The following FSIP1 variants were observed in gnomAD, a reference collection of about 807,000 sequenced individuals.
The protein encoded by FSIP1 is fibrous sheath interacting protein 1, also known as fibrous sheath-interacting protein 1.
A neutral mutation model predicts 60.9 loss-of-function variants in FSIP1; 65 were observed. The observed-to-expected ratio is 1.07, with a 90% CI of 0.87 to 1.31. The LOEUF is 1.31. Ranked by LOEUF, FSIP1 falls within the 40% of genes most tolerant of loss-of-function variation. FSIP1 has a pLI of 0.00. For missense variants in FSIP1, 675 were observed against 665.5 expected, an observed-to-expected ratio of 1.01 and a Z score of -0.16; for synonymous variants, 209 against 221.2, an observed-to-expected ratio of 0.94 and a Z score of 0.49.
chr15:39,753,330 T>C (rs1897217269), intron 5 of FSIP1, among the ~76,000 whole-genome samples: 1 of 152,134 alleles, frequency 6.6e-6, no homozygotes, highest in Non-Finnish European at 1.5e-5. Context: ...ATTCATTTTA[T>C]GAAGTTCACA....
chr15:39,619,861 A>C (rs967680857), intron 10 of FSIP1, among the ~76,000 whole-genome samples: 1 of 152,162 alleles, frequency 6.6e-6, no homozygotes, highest in Non-Finnish European at 1.5e-5. Context: ...AGACACTAGA[A>C]AAAAAATCAG....
At chr15:39,617,713 A>G in intron 11 of FSIP1, 22 bp downstream of exon 11, 1 of 1,589,302 alleles carries the variant, frequency 6.3e-7, no homozygotes, top group East Asian at 2.2e-5. Flanking sequence ...ATTTACCAAA[A>G]CACATGTTCG....
intron 10 of FSIP1, among the ~76,000 whole-genome samples, chr15:39,635,145 C>T (rs1011631226): frequency 1.3e-5 from 2 of 152,102 alleles, no homozygotes; most frequent in African/African-American, 4.8e-5. Context: ...ACCATCCTGG[C>T]CAACATGGTG....
intron 10 of FSIP1, among the ~76,000 whole-genome samples, chr15:39,646,483 A>C (rs1268347780): frequency 7.2e-6 from 1 of 138,562 alleles, no homozygotes; most frequent in African/African-American, 2.7e-5. Flanking sequence ...CAGGAGTTCG[A>C]GACAGGCCTG....
chr15:39,775,767 G>A (rs2638012), intron 2 of FSIP1, among the ~76,000 whole-genome samples: 21,011 of 151,908 alleles, frequency 0.14, 2,374 homozygotes, highest in African/African-American at 0.3. Flanking sequence ...TTCACCTTCC[G>A]CCATGATTCT....
intron 10 of FSIP1, among the ~76,000 whole-genome samples, chr15:39,677,825 G>A (rs1188160484): frequency 2.6e-5 from 4 of 151,982 alleles, no homozygotes; most frequent in African/African-American, 9.7e-5. Flanking sequence ...GTGAAACCCC[G>A]TCGCTACTAA....
intron 9 of FSIP1, among the ~76,000 whole-genome samples, chr15:39,719,548 T>C (rs1895873799): frequency 6.6e-6 from 1 of 152,212 alleles, no homozygotes; most frequent in Non-Finnish European, 1.5e-5. Context: ...AACAGCAAAT[T>C]ACCCGCAGCT....
intron 10 of FSIP1, among the ~76,000 whole-genome samples, chr15:39,666,433 A>G (rs558091118): frequency 6.6e-6 from 1 of 152,344 alleles, no homozygotes; most frequent in South Asian, 2.1e-4. Flanking sequence ...CCATTCGTTC[A>G]GGCACTTATT....
At chr15:39,729,967 C>A (rs898751495) in intron 8 of FSIP1, among the ~76,000 whole-genome samples, 19 of 152,112 alleles carry the variant, frequency 1.2e-4, no homozygotes, top group African/African-American at 4.6e-4. Context: ...ATGAAATAAT[C>A]TGTACACCAA....
At chr15:39,634,950 A>ACC (rs879507846) in intron 10 of FSIP1, among the ~76,000 whole-genome samples, 3,798 of 152,256 alleles carry the variant, frequency 0.025, 149 homozygotes, top group East Asian at 0.11. Flanking sequence ...CAAAAAGAAG[A>ACC]TAGAGGCCTA....
intron 1 of FSIP1, among the ~76,000 whole-genome samples, chr15:39,778,439 G>A (rs1166445056): frequency 6.6e-6 from 1 of 152,184 alleles, no homozygotes; most frequent in Non-Finnish European, 1.5e-5. Context: ...TAAATAAAAT[G>A]CAGTTCCTGA....
intron 2 of FSIP1, among the ~76,000 whole-genome samples, chr15:39,770,945 C>T (rs1897865416): frequency 6.6e-6 from 1 of 152,182 alleles, no homozygotes; most frequent in African/African-American, 2.4e-5. Flanking sequence ...AGTCAAAGGT[C>T]TAATACGACA....
intron 5 of FSIP1, among the ~76,000 whole-genome samples, chr15:39,747,833 T>C (rs915900448): frequency 6.6e-6 from 1 of 152,156 alleles, no homozygotes; most frequent in Non-Finnish European, 1.5e-5. Flanking sequence ...TAATAGTGCA[T>C]ATATAATATT....
chr15:39,712,850 G>T (rs773777244), intron 10 of FSIP1, among the ~76,000 whole-genome samples: 1 of 151,990 alleles, frequency 6.6e-6, no homozygotes, highest in Non-Finnish European at 1.5e-5. Flanking sequence ...GAAAGATTTG[G>T]AATGCATTAA....
chr15:39,780,442 C>G lies in FSIP1; in HGVS notation c.-8+2186G>C, dbSNP rs1021812578. Among the ~76,000 whole-genome samples the G allele has an allele frequency of 5.9e-5, 9 of 152,266 alleles. No individual in the cohort carries two copies. In the East Asian group the frequency reaches 9.7e-4, roughly 16 times the overall value. On this transcript the variant is annotated intron_variant, in intron 1 of 11. Transcript: ENST00000350221. ...CGGGAGGCTAAGGCAGGAGAATGGC[C>G]TGAACCCGGGAGGCGGAGCTTGCAG...
downstream of FSIP1, chr15:39,597,968 A>G (rs1283984412): frequency 6.6e-6 from 1 of 152,250 alleles, no homozygotes. Context: ...CAAGCATTAC[A>G]GATACCTCCT....
chr15:39,614,644 C>CAAAAAAAA (rs35512322), intron 11 of FSIP1, among the ~76,000 whole-genome samples: 1 of 96,342 alleles, frequency 1.0e-5, no homozygotes, highest in Non-Finnish European at 2.4e-5. Flanking sequence ...GACTCCATCT[C>CAAAAAAAA]AAAAAAAAAA....
At chr15:39,756,521 T>C (rs545347635) in intron 5 of FSIP1, among the ~76,000 whole-genome samples, 3 of 152,038 alleles carry the variant, frequency 2.0e-5, no homozygotes, top group South Asian at 2.1e-4. Context: ...ATATTTTGTA[T>C]AGACAAGGTC....
At chr15:39,677,239 G>A in intron 10 of FSIP1, among the ~76,000 whole-genome samples, 1 of 152,200 alleles carries the variant, frequency 6.6e-6, no homozygotes, top group Non-Finnish European at 1.5e-5. Flanking sequence ...AGTATTCCAT[G>A]ATGAAATCAG....
Sources: allele counts gnomAD v4.1 joint callset (sites outside exome capture counted in the v4.1 genomes callset), GRCh38; gene constraint gnomAD v4.1.1; transcripts MANE v1.5; gene names NCBI Gene and HGNC (gene_info 2026-07-23, HGNC 2026-07-21).